UTRN: variants seen among roughly 807,000 people sequenced by gnomAD.
UTRN encodes the protein dystrophin-related protein 1.
Under a neutral mutation model 463.9 loss-of-function variants are expected in UTRN, and 283 were observed. The observed-to-expected ratio is 0.61, with a 90% confidence interval of 0.55 to 0.67. The LOEUF (loss-of-function observed/expected upper bound fraction) is 0.67. Ranked by LOEUF, UTRN falls within the 30% of genes least tolerant of loss-of-function variation. UTRN has a pLI of 0.00. For missense variants in UTRN, 3,922 were observed against 4,084.3 expected (o/e 0.96, Z 1.08); for synonymous variants, 1,442 against 1,431.5 (o/e 1.01, Z -0.17).
In UTRN at chr6:144,561,631, A is replaced by T. The variant is rs139651197; in HGVS notation, c.7289+4320A>T. Among the ~76,000 whole-genome samples, 8 of 152,180 alleles carry T rather than the reference A, an allele frequency of 5.3e-5. No individual in the cohort carries two copies. The East Asian group carries it at 1.5e-3, about 29-fold the overall frequency. Reference sequence around the variant, plus strand: ...CACTGAGTGTAAGGTATATGGGGCAATCCTTGGTTAAAAGCCCATCTTAGG... The same window carrying T: ...CACTGAGTGTAAGGTATATGGGGCATTCCTTGGTTAAAAGCCCATCTTAGG... On this transcript the variant is annotated intron_variant, in intron 50 of 74. Coordinates refer to ENST00000367545, the MANE Select transcript of UTRN (RefSeq NM_007124.3).
intron 50 of UTRN, among the ~76,000 whole-genome samples, chr6:144,557,668 G>A (rs1322648869): frequency 6.6e-6 from 1 of 151,938 alleles, no homozygotes; most frequent in Non-Finnish European, 1.5e-5. Flanking sequence ...TCAGGGTAAT[G>A]GTATCCCTAA....
chr6:144,667,465 A>G (rs1471733088), intron 51 of UTRN, among the ~76,000 whole-genome samples: 3 of 152,196 alleles, frequency 2.0e-5, no homozygotes, highest in South Asian at 4.1e-4. Flanking sequence ...TTCATCGATA[A>G]TGATGTATAG....
intron 19 of UTRN, among the ~76,000 whole-genome samples, chr6:144,455,666 G>A (rs1236922402): frequency 6.6e-6 from 1 of 152,168 alleles, no homozygotes; most frequent in East Asian, 1.9e-4. Context: ...CAGTGATTGG[G>A]GGAATGGGCA....
Position 144,835,763 on chromosome 6 carries a change from T to C in UTRN, c.9666-17T>C, listed in dbSNP as rs1269166951. 1.7e-5 allele frequency: 28 copies of C among 1,613,442 alleles called. No individual in the cohort carries two copies. The highest frequency in any genetic ancestry group is 2.3e-5 in the Non-Finnish European group (27 of 1,179,784). On this transcript the variant is annotated splice_polypyrimidine_tract_variant and intron_variant, in intron 69 of 74. Coordinates refer to ENST00000367545, the MANE Select transcript of UTRN (RefSeq NM_007124.3). The stretch of plus-strand genomic sequence containing the variant: ...TCCAGATGTGAGCCTCTGGGTCTGT[T>C]TCCTTTGTCTTGCTAGGGAAGACGA...
intron 51 of UTRN, among the ~76,000 whole-genome samples, chr6:144,652,396 C>G (rs1778908956): frequency 4.6e-5 from 7 of 152,180 alleles, no homozygotes; most frequent in Admixed American, 3.9e-4. Context: ...TTCTTTTTCA[C>G]TTCTGCAACT....
At chr6:144,840,143 G>A (rs992963375) in intron 72 of UTRN, among the ~76,000 whole-genome samples, 4 of 151,790 alleles carry the variant, frequency 2.6e-5, no homozygotes, top group South Asian at 2.1e-4. Context: ...AGCCGAGATC[G>A]CACCAATGCA....
chr6:144,452,815 A>T (rs77868277), intron 18 of UTRN, among the ~76,000 whole-genome samples: 3,970 of 151,406 alleles, frequency 0.026, 146 homozygotes, highest in African/African-American at 0.077. Context: ...GTGAGCTTGC[A>T]CTTGTAACTC....
chr6:144,645,696 C>T (rs533593898), intron 51 of UTRN, among the ~76,000 whole-genome samples: 13 of 152,134 alleles, frequency 8.5e-5, no homozygotes, highest in East Asian at 1.9e-4. Flanking sequence ...TGTTGTATAA[C>T]GGGGCTGTTG....
chr6:144,477,908 T>TCC (rs1791418412), intron 25 of UTRN, among the ~76,000 whole-genome samples: 3 of 147,550 alleles, frequency 2.0e-5, no homozygotes, highest in Admixed American at 6.8e-5. Context: ...TCTATCTATC[T>TCC]ATCCATCCAT....
intron 2 of UTRN, among the ~76,000 whole-genome samples, chr6:144,340,647 G>A (rs1191736677): frequency 6.6e-6 from 1 of 152,090 alleles, no homozygotes; most frequent in Admixed American, 6.5e-5. Flanking sequence ...TAGAGCTAGT[G>A]GTATGAACAA....
At chr6:144,841,802 T>TGTC (rs1245967785) in intron 73 of UTRN, among the ~76,000 whole-genome samples, 2 of 152,136 alleles carry the variant, frequency 1.3e-5, no homozygotes, top group Non-Finnish European at 2.9e-5. Context: ...TACCCTTGTC[T>TGTC]GTCATCTCCT....
chr6:144,551,292 T>G (rs368312375), intron 48 of UTRN, among the ~76,000 whole-genome samples: 1 of 152,180 alleles, frequency 6.6e-6, no homozygotes, highest in African/African-American at 2.4e-5. Context: ...ACAATAACCT[T>G]ATGAAGTCCT....
At chr6:144,538,373 A>T (rs9386072) in intron 44 of UTRN, among the ~76,000 whole-genome samples, 12,528 of 151,902 alleles carry the variant, frequency 0.082, 1,108 homozygotes, top group East Asian at 0.53. Flanking sequence ...TTTTTTTTTA[A>T]AAAAAGAAAT....
chr6:144,738,599 A>T (rs539073410), intron 54 of UTRN, among the ~76,000 whole-genome samples: 3 of 152,320 alleles, frequency 2.0e-5, no homozygotes, highest in East Asian at 3.9e-4. Flanking sequence ...CACTAAATAA[A>T]ACTGCTAACA....
intron 39 of UTRN, among the ~76,000 whole-genome samples, chr6:144,518,607 T>C (rs916585552): frequency 4.6e-5 from 7 of 152,186 alleles, no homozygotes; most frequent in Non-Finnish European, 8.8e-5. Flanking sequence ...ATATTATAGT[T>C]CTCTGCTTTA....
At chr6:144,802,568 C>T (rs932028578) in intron 64 of UTRN, among the ~76,000 whole-genome samples, 8 of 152,132 alleles carry the variant, frequency 5.3e-5, no homozygotes, top group Non-Finnish European at 1.5e-5. Flanking sequence ...ATTCTTACGC[C>T]AGAGATTTTA....
At position 144,544,510 on chromosome 6, in the gene UTRN, G is replaced by A. The variant is rs1798233594; in HGVS notation, c.6595+1640G>A. Among the ~76,000 whole-genome samples the A allele has an allele frequency of 3.3e-5, 5 of 152,002 alleles. No individual in the cohort carries two copies. In the South Asian group the frequency reaches 1.0e-3, roughly 32 times the overall value. On this transcript the variant is annotated intron_variant, in intron 46 of 74. Transcript: ENST00000367545. ...ATATTTCATATAAATGGAGTCATAC[G>A]ATGCTTCTTTTACTTAGCATAATGT...
intron 4 of UTRN, among the ~76,000 whole-genome samples, chr6:144,422,228 A>T (rs1784890971): frequency 6.6e-6 from 1 of 152,228 alleles, no homozygotes; most frequent in East Asian, 1.9e-4. Context: ...CCAGGATGAG[A>T]GAATTACAAA....
In UTRN at chr6:144,851,764, T is replaced by C. The variant is rs1437379250; in HGVS notation, c.*767T>C. 1 of 152,216 alleles carries C rather than the reference T, an allele frequency of 6.6e-6. No individual in the cohort carries two copies. Among genetic ancestry groups the C allele is most frequent in the African/African-American group, 2.4e-5 (1 of 41,462 alleles). 9.4% of individuals were successfully genotyped at this position (152,216 alleles called of 1,614,324 possible). ...TATTTTTCCTGCATTTTATTCCCTT[T>C]TTATATAAGTAGGAATTAATTATTT... On this transcript the variant is annotated 3_prime_UTR_variant, in exon 75 of 75. Transcript: ENST00000367545.
Sources: allele counts gnomAD v4.1 joint callset (sites outside exome capture counted in the v4.1 genomes callset), GRCh38; gene constraint gnomAD v4.1.1; transcripts MANE v1.5; gene names NCBI Gene and HGNC (gene_info 2026-07-23, HGNC 2026-07-21).